The following NSFL1C variants were observed in gnomAD, a reference collection of about 807,000 sequenced individuals.
NSFL1C encodes the protein NSFL1 cofactor p47.
NSFL1C carries 14 observed loss-of-function variants against 43.1 expected under a neutral mutation model. The ratio of observed to expected loss-of-function variants is 0.32; its 90% CI spans 0.21 to 0.51. The LOEUF (loss-of-function observed/expected upper bound fraction) is 0.51, where lower values mean the gene tolerates loss of function less well. Among genes scored for constraint, NSFL1C ranks in the 20% least tolerant of loss-of-function variants. NSFL1C has a pLI of 0.98. For synonymous variants in NSFL1C, 171 were observed against 183.5 expected (o/e 0.93, Z 0.55); for missense variants, 406 against 472.5 (o/e 0.86, Z 1.30).
chr20:1,453,157 T>A lies in NSFL1C; in HGVS notation c.538-17A>T. ...TACATGAACCTGTGATGACAGGGAGTAAACAGTTACCAGGGATCTGGCAAG... is the reference window on the plus strand; with the variant it reads ...TACATGAACCTGTGATGACAGGGAGAAAACAGTTACCAGGGATCTGGCAAG... On this transcript the variant is annotated splice_polypyrimidine_tract_variant and intron_variant, in intron 5 of 8. Transcript: ENST00000216879. The A allele has an allele frequency of 7.1e-7, 1 of 1,400,560 alleles. No homozygotes were observed. The highest frequency in any genetic ancestry group is 1.0e-6 in the Non-Finnish European group (1 of 985,794). 86.8% of individuals were successfully genotyped at this position (1,400,560 alleles called of 1,614,324 possible).
intron 3 of NSFL1C, chr20:1,457,847 T>C (rs755747603): frequency 1.9e-5 from 4 of 208,898 alleles, no homozygotes; most frequent in South Asian, 9.3e-5. Context: ...CTTATGCTGA[T>C]CCATAACTTC....
chr20:1,443,966 G>A, intron 8 of NSFL1C, 55 bp from the exon 9 acceptor site: 1 of 1,550,684 alleles, frequency 6.4e-7, no homozygotes, highest in Middle Eastern at 2.1e-4. Flanking sequence ...CCATACCCCT[G>A]CCCTGTGGAA....
chr20:1,458,470 T>C (rs2090347864), intron 2 of NSFL1C, among the ~76,000 whole-genome samples, 196 bp from the exon 3 acceptor site: 1 of 152,112 alleles, frequency 6.6e-6, no homozygotes, highest in South Asian at 2.1e-4. Flanking sequence ...ATCACACAGA[T>C]TGAGTATAAA....
chr20:1,466,381 G>A (rs1050883483), intron 1 of NSFL1C, among the ~76,000 whole-genome samples: 1 of 152,234 alleles, frequency 6.6e-6, no homozygotes, highest in Non-Finnish European at 1.5e-5. Context: ...TGCTCACTCG[G>A]ACCAGCCCGG....
rs1364534559 is a variant in NSFL1C at position 1,442,470 on chromosome 20, AGAG to A, written c.*1276_*1278del. 6.6e-6 allele frequency: 1 copy of A among 152,260 alleles called. No homozygotes were observed. Among genetic ancestry groups the A allele is most frequent in the African/African-American group, 2.4e-5 (1 of 41,458 alleles). 9.4% of individuals were successfully genotyped at this position (152,260 alleles called of 1,614,324 possible). On this transcript the variant is annotated 3_prime_UTR_variant, in exon 9 of 9. Transcript: ENST00000216879. ...AGAGACTGGTGAGGCCTGCTTGGAA[AGAG>A]GATTGAGGCACATTACGATTCCAAA...
chr20:1,454,123 G>T, intron 5 of NSFL1C, 90 bp downstream of exon 5: 1 of 978,256 alleles, frequency 1.0e-6, no homozygotes. Context: ...TTCAGAGGCT[G>T]CTGGTTAATG....
At chr20:1,465,974 A>T (rs1244280703) in intron 1 of NSFL1C, among the ~76,000 whole-genome samples, 1 of 152,224 alleles carries the variant, frequency 6.6e-6, no homozygotes, top group Non-Finnish European at 1.5e-5. Context: ...AATATTAGTC[A>T]TCACCGTCAT....
At chr20:1,460,530 CA>C (rs762265200) in intron 2 of NSFL1C, among the ~76,000 whole-genome samples, 1 of 152,176 alleles carries the variant, frequency 6.6e-6, no homozygotes, top group Non-Finnish European at 1.5e-5. Flanking sequence ...CTAAATATCT[CA>C]GAAAGTTCAA....
chr20:1,454,356 G>C (rs770372572), intron 4 of NSFL1C, 51 bp from the exon 5 acceptor site: 2 of 1,245,640 alleles, frequency 1.6e-6, no homozygotes, highest in Non-Finnish European at 2.4e-6. Context: ...ATGGTACAAG[G>C]GTTACTCAGA....
intron 7 of NSFL1C, 33 bp downstream of exon 7, chr20:1,452,460 C>G (rs749429157): frequency 1.2e-6 from 2 of 1,608,640 alleles, no homozygotes; most frequent in East Asian, 2.2e-5. Flanking sequence ...GTGTGATTGA[C>G]AGAGTCTGGC....
intron 1 of NSFL1C, 76 bp downstream of exon 1, chr20:1,466,643 GC>G: frequency 7.2e-7 from 1 of 1,382,176 alleles, no homozygotes. Flanking sequence ...CGCTTCGGCC[GC>G]CGCGGGCTTA....
At position 1,445,840 on chromosome 20, in the gene NSFL1C, G is replaced by C; in HGVS notation, c.786-10C>G. On this transcript the variant is annotated splice_polypyrimidine_tract_variant and intron_variant, in intron 7 of 8. Coordinates refer to ENST00000216879, the MANE Select transcript of NSFL1C (RefSeq NM_016143.5). ...CACCTGGGGGGCAGTGCTGAGGAGAGAGGATGGCATCAGAACACAAGCAGA... is the reference window on the plus strand; with the variant it reads ...CACCTGGGGGGCAGTGCTGAGGAGACAGGATGGCATCAGAACACAAGCAGA... 6.2e-7 allele frequency: 1 copy of C among 1,613,606 alleles called. No homozygotes were observed. Among genetic ancestry groups the C allele is most frequent in the Non-Finnish European group, 8.5e-7 (1 of 1,179,816 alleles).
chr20:1,459,484 G>GT (rs1275128965), intron 2 of NSFL1C, among the ~76,000 whole-genome samples: 1 of 152,190 alleles, frequency 6.6e-6, no homozygotes, highest in Admixed American at 6.5e-5. Context: ...GTCTCAGGTA[G>GT]TTTTTTATAG....
At chr20:1,450,111 C>CTCTG (rs2090154472) in intron 7 of NSFL1C, among the ~76,000 whole-genome samples, 1 of 151,952 alleles carries the variant, frequency 6.6e-6, no homozygotes, top group African/African-American at 2.4e-5. Flanking sequence ...AAGTATTTTC[C>CTCTG]CAGATAATTA....
intron 2 of NSFL1C, among the ~76,000 whole-genome samples, chr20:1,462,814 C>T (rs531365952): frequency 9.9e-5 from 15 of 152,208 alleles, no homozygotes; most frequent in Non-Finnish European, 2.1e-4. Flanking sequence ...TGAGCCACCG[C>T]GCCTGGCCAC....
At chr20:1,460,610 G>C in intron 2 of NSFL1C, among the ~76,000 whole-genome samples, 1 of 152,174 alleles carries the variant, frequency 6.6e-6, no homozygotes, top group East Asian at 1.9e-4. Flanking sequence ...TCCTTCATCA[G>C]ATGACATTTT....
intron 2 of NSFL1C, among the ~76,000 whole-genome samples, chr20:1,461,648 G>A (rs2090414246): frequency 6.6e-6 from 1 of 152,190 alleles, no homozygotes; most frequent in African/African-American, 2.4e-5. Context: ...TTGGGGCTGA[G>A]AGCTGAAATG....
rs1039436440 is a variant in NSFL1C, at chr20:1,442,912, A to T, written c.*837T>A. 1 of 152,198 alleles carries T rather than the reference A, an allele frequency of 6.6e-6. No homozygotes were observed. Among genetic ancestry groups the T allele is most frequent in the African/African-American group, 2.4e-5 (1 of 41,444 alleles). The allele number at this position is 152,198 out of a possible 1,614,324, so 9.4% of individuals were successfully genotyped here. On this transcript the variant is annotated 3_prime_UTR_variant, in exon 9 of 9. Transcript: ENST00000216879. Reference sequence around the variant, plus strand: ...TATAGGGCAAGATACCCTGATTCTGAACTCACTTAGGATGGGTTGGCATGA... The same window carrying T: ...TATAGGGCAAGATACCCTGATTCTGTACTCACTTAGGATGGGTTGGCATGA...
chr20:1,466,642 C>T, intron 1 of NSFL1C, 78 bp downstream of exon 1: 1 of 1,374,690 alleles, frequency 7.3e-7, no homozygotes, highest in Non-Finnish European at 9.9e-7. Flanking sequence ...GCGCTTCGGC[C>T]GCCGCGGGCT....
Sources: gnomAD v4.1 joint callset for allele counts (sites outside exome capture counted in the v4.1 genomes callset) on GRCh38, gnomAD v4.1.1 for gene constraint, MANE v1.5 for transcripts, NCBI Gene and HGNC (gene_info 2026-07-23, HGNC 2026-07-21) for gene names.